The following EIF4G3 variants were observed in gnomAD, a reference collection of about 807,000 sequenced individuals.
EIF4G3 encodes eIF-4-gamma 3.
In EIF4G3, 34 loss-of-function variants were observed where a neutral mutation model predicts 186.4. That is an observed-to-expected ratio of 0.18 (90% CI 0.14 to 0.24). EIF4G3 has a LOEUF of 0.24. Ranked by LOEUF, EIF4G3 falls within the 10% of genes least tolerant of loss-of-function variation. EIF4G3 has a pLI of 1.00. For synonymous variants in EIF4G3, 673 were observed against 679.5 expected, an observed-to-expected ratio of 0.99 and a Z score of 0.15; for missense variants, 1,536 against 1,948.5, an observed-to-expected ratio of 0.79 and a Z score of 3.99.
rs2058237524 is a variant in EIF4G3 at position 20,807,250 on chromosome 1, C to T, written c.*69G>A. 2.7e-6 allele frequency: 4 copies of T among 1,462,292 alleles called. No individual in the cohort carries two copies. Among genetic ancestry groups the T allele is most frequent in the Non-Finnish European group, 1.9e-6 (2 of 1,080,106 alleles). 90.6% of individuals were successfully genotyped at this position (1,462,292 alleles called of 1,614,324 possible). On this transcript the variant is annotated 3_prime_UTR_variant, in exon 37 of 37. Coordinates refer to ENST00000602326, the MANE Select transcript of EIF4G3 (RefSeq NM_001391906.1). Reference sequence around the variant, plus strand: ...ATTGGCCTTGCTGCACTGTGATTGGCGAAGACGTGAAACTTTTTAAAAAAA... The same window carrying T: ...ATTGGCCTTGCTGCACTGTGATTGGTGAAGACGTGAAACTTTTTAAAAAAA...
At chr1:21,166,123 C>CTTTTTTTTTTTTTTTTTTTTTTTTTTT (rs1573668577) in intron 2 of EIF4G3, among the ~76,000 whole-genome samples, 2 of 105,660 alleles carry the variant, frequency 1.9e-5, no homozygotes, top group African/African-American at 5.9e-5. Flanking sequence ...CTTTTTTTTC[C>CTTTTTTTTTTTTTTTTTTTTTTTTTTT]TTTTAAAAAT....
intron 3 of EIF4G3, among the ~76,000 whole-genome samples, chr1:21,062,661 C>T (rs2094984123): frequency 6.6e-6 from 1 of 152,186 alleles, no homozygotes; most frequent in Admixed American, 6.5e-5. Flanking sequence ...GCAATCTTGG[C>T]TCACTGCAAC....
chr1:20,965,327 T>A (rs923550276), intron 12 of EIF4G3, among the ~76,000 whole-genome samples: 1 of 152,212 alleles, frequency 6.6e-6, no homozygotes, highest in Non-Finnish European at 1.5e-5. Flanking sequence ...TTTTTAAACA[T>A]GAAGAGGCAT....
chr1:21,121,724 A>G (rs756382714), intron 2 of EIF4G3, among the ~76,000 whole-genome samples: 5 of 151,830 alleles, frequency 3.3e-5, no homozygotes, highest in Admixed American at 6.6e-5. Flanking sequence ...GCAGTGAGCC[A>G]AGATCATGCC....
intron 25 of EIF4G3, among the ~76,000 whole-genome samples, chr1:20,856,898 C>G (rs1308220805): frequency 6.6e-6 from 1 of 152,058 alleles, no homozygotes; most frequent in Non-Finnish European, 1.5e-5. Flanking sequence ...CGCGGTGGCT[C>G]ACGCCTGTAA....
intron 12 of EIF4G3, among the ~76,000 whole-genome samples, chr1:20,966,673 C>T (rs2074754395): frequency 6.6e-6 from 1 of 151,940 alleles, no homozygotes; most frequent in African/African-American, 2.4e-5. Context: ...AAGGTTTCAC[C>T]ATGTTGGCTA....
At position 21,085,120 on chromosome 1, in the gene EIF4G3, T is replaced by C. The variant is rs561558491; in HGVS notation, c.-196+4018A>G. ...CGAGATAAAGGGACAGAATAAAGCA[T>C]AGGGTCTAAAAAAAAGACAAGAAAG... On this transcript the variant is annotated intron_variant, in intron 3 of 36. Coordinates refer to ENST00000602326, the MANE Select transcript of EIF4G3 (RefSeq NM_001391906.1). Among the ~76,000 whole-genome samples the C allele has an allele frequency of 2.0e-5, 3 of 151,254 alleles. No individual in the cohort carries two copies. The East Asian group carries it at 5.8e-4, about 29-fold the overall frequency.
intron 29 of EIF4G3, among the ~76,000 whole-genome samples, chr1:20,849,046 C>CAAAAAAAAAAAAAA (rs60344352): frequency 5.7e-5 from 1 of 17,394 alleles, no homozygotes; most frequent in African/African-American, 1.6e-4. Context: ...GACTCTGTCT[C>CAAAAAAAAAAAAAA]AAAAAAAAAA....
chr1:20,977,473 C>T (rs907967031), intron 10 of EIF4G3, among the ~76,000 whole-genome samples: 1 of 152,186 alleles, frequency 6.6e-6, no homozygotes, highest in Non-Finnish European at 1.5e-5. Context: ...AGGCATGAGC[C>T]ACCACACCCG....
intron 4 of EIF4G3, 97 bp downstream of exon 4, chr1:21,050,769 T>C: frequency 1.6e-6 from 1 of 631,534 alleles, no homozygotes; most frequent in South Asian, 1.8e-5. Flanking sequence ...ACTATACAAG[T>C]AATGTTTTAT....
intron 2 of EIF4G3, among the ~76,000 whole-genome samples, chr1:21,146,680 C>T (rs1299271329): frequency 1.3e-5 from 2 of 151,968 alleles, no homozygotes; most frequent in Non-Finnish European, 1.5e-5. Context: ...CCACTTGAAC[C>T]CAGGAGGTGG....
chr1:20,970,868 G>A lies in EIF4G3; in HGVS notation c.592-1272C>T, dbSNP rs541215010. Among the ~76,000 whole-genome samples, 6 of 152,058 alleles carry A rather than the reference G, an allele frequency of 3.9e-5. No individual in the cohort carries two copies. In the South Asian group the frequency reaches 1.2e-3, roughly 32 times the overall value. On this transcript the variant is annotated intron_variant, in intron 11 of 36. Transcript: ENST00000602326. ...AATCCCAGCTACTTGGGAGATTGAG[G>A]CAGGAGAATCGCTTGAACCCAGGAG...
intron 15 of EIF4G3, 119 bp from the exon 16 acceptor site, chr1:20,900,062 C>A (rs1439582593): frequency 1.8e-5 from 19 of 1,040,068 alleles, no homozygotes; most frequent in Non-Finnish European, 2.4e-5. Context: ...GTAAGAATGT[C>A]TGTGTTCAGC....
chr1:21,052,966 CA>C (rs1264226827), intron 3 of EIF4G3, among the ~76,000 whole-genome samples: 1 of 152,078 alleles, frequency 6.6e-6, no homozygotes, highest in Non-Finnish European at 1.5e-5. Flanking sequence ...CTTGGCCCCG[CA>C]AAGTGCCGAG....
intron 13 of EIF4G3, among the ~76,000 whole-genome samples, chr1:20,947,580 G>GAGAA (rs35046651): frequency 0.39 from 59,215 of 150,836 alleles, 11,912 homozygotes; most frequent in Non-Finnish European, 0.43. Context: ...GAGAGAGCAA[G>GAGAA]AGAAAGAAAG....
chr1:21,063,384 C>T (rs746338105), intron 3 of EIF4G3, among the ~76,000 whole-genome samples: 1 of 151,540 alleles, frequency 6.6e-6, no homozygotes, highest in African/African-American at 2.4e-5. Context: ...GCTGAGAGAG[C>T]GTTAAAAAAA....
intron 3 of EIF4G3, among the ~76,000 whole-genome samples, chr1:21,077,895 A>AC (rs1329622739): frequency 3.3e-5 from 5 of 151,814 alleles, no homozygotes; most frequent in African/African-American, 9.7e-5. Context: ...AAAAAAAAAA[A>AC]AACAACAAAA....
At chr1:20,894,199 G>A (rs765104945) in intron 17 of EIF4G3, among the ~76,000 whole-genome samples, 1 of 152,170 alleles carries the variant, frequency 6.6e-6, no homozygotes, top group East Asian at 1.9e-4. Context: ...AGCATGTAAT[G>A]TGACCATGGA....
At chr1:21,092,541 T>C (rs1331497416) in intron 2 of EIF4G3, among the ~76,000 whole-genome samples, 1 of 152,126 alleles carries the variant, frequency 6.6e-6, no homozygotes, top group Non-Finnish European at 1.5e-5. Context: ...AATTTATAGA[T>C]TCATTGCCAT....
Sources: allele counts gnomAD v4.1 joint callset (sites outside exome capture counted in the v4.1 genomes callset), GRCh38; gene constraint gnomAD v4.1.1; transcripts MANE v1.5; gene names NCBI Gene and HGNC (gene_info 2026-07-23, HGNC 2026-07-21).